The following INSC variants were observed in gnomAD, a reference collection of about 807,000 sequenced individuals.
INSC encodes protein inscuteable homolog.
In INSC, 67 loss-of-function variants were observed where a neutral mutation model predicts 58.6. That is an observed-to-expected ratio of 1.14 (90% CI 0.94 to 1.40). The LOEUF is 1.40. INSC is among the 40% of genes most tolerant of loss of function. INSC has a pLI of 0.00. For synonymous variants in INSC, 262 were observed against 276.1 expected (o/e 0.95, Z 0.51); for missense variants, 714 against 692.0 (o/e 1.03, Z -0.36).
At chr11:15,203,232 G>A (rs576459186) in intron 7 of INSC, among the ~76,000 whole-genome samples, 3 of 152,286 alleles carry the variant, frequency 2.0e-5, no homozygotes, top group African/African-American at 7.2e-5. Context: ...TGAGAGCACT[G>A]AAAAGGTCCC....
At chr11:15,140,319 G>A (rs1202277322) in intron 1 of INSC, among the ~76,000 whole-genome samples, 2 of 152,078 alleles carry the variant, frequency 1.3e-5, no homozygotes, top group Non-Finnish European at 2.9e-5. Context: ...TTATTTCCTC[G>A]TACTTGATAA....
intron 9 of INSC, among the ~76,000 whole-genome samples, chr11:15,232,598 T>G (rs963943689): frequency 9.2e-5 from 14 of 152,132 alleles, no homozygotes; most frequent in African/African-American, 3.4e-4. Flanking sequence ...CCCAGGGATG[T>G]CCACATCCTA....
At chr11:15,264,143 T>A in the INSC span, among the ~76,000 whole-genome samples, 1 of 81,724 alleles carries the variant, frequency 1.2e-5, no homozygotes, top group African/African-American at 4.5e-5. Context: ...TAATTATTCC[T>A]TGCAGCAGTA....
At chr11:15,114,054 G>T (rs1847634045), upstream of INSC, among the ~76,000 whole-genome samples, 1 of 151,882 alleles carries the variant, frequency 6.6e-6, no homozygotes, top group South Asian at 2.1e-4. Flanking sequence ...GGCTGCCTTT[G>T]CTTGAGGACC....
Position 15,239,998 on chromosome 11 carries a change from A to G in INSC, c.1394-449A>G, listed in dbSNP as rs565864776. On this transcript the variant is annotated intron_variant, in intron 11 of 12. Coordinates refer to ENST00000379556, the MANE Select transcript of INSC (RefSeq NM_001042536.3). ...AGACTGCATTTGCATACCTTCTACT[A>G]CTATCGTATAATGAGGGTGTCTTTT... 1.4e-4 allele frequency among the ~76,000 whole-genome samples: 21 copies of G among 152,334 alleles called. No individual in the cohort carries two copies. In the South Asian group the frequency reaches 3.9e-3, roughly 29 times the overall value.
chr11:15,195,831 T>G (rs1451080116), intron 6 of INSC, among the ~76,000 whole-genome samples: 1 of 152,240 alleles, frequency 6.6e-6, no homozygotes, highest in Non-Finnish European at 1.5e-5. Context: ...TCCTCCTTTG[T>G]GGCCTGAGGA....
At position 15,206,491 on chromosome 11, in the gene INSC, G is replaced by A. The variant is rs76922923; in HGVS notation, c.819+5542G>A. 5.2e-3 allele frequency among the ~76,000 whole-genome samples: 791 copies of A among 152,290 alleles called. 5 individuals carry two copies. The highest frequency in any genetic ancestry group is 0.018 in the African/African-American group (745 of 41,564). ...TTGGGGGAGCCCCAAGGAGAAGGCA[G>A]TGTTCTCTGGACCTCACTTGGGAGA... is the stretch of plus-strand genomic sequence containing the variant. On this transcript the variant is annotated intron_variant, in intron 7 of 12. Transcript: ENST00000379556.
intron 7 of INSC, among the ~76,000 whole-genome samples, chr11:15,216,951 T>C (rs1379607663): frequency 6.6e-5 from 10 of 152,234 alleles, no homozygotes. Flanking sequence ...CCAATGGTCC[T>C]CTGAAGTTGT....
rs752829398 is a variant in INSC, at chr11:15,200,840, C to G, written c.710C>G (p.Ala237Gly). 21 of 1,614,022 alleles carry G rather than the reference C, an allele frequency of 1.3e-5. No homozygotes were observed. The Middle Eastern group carries it at 9.9e-4, about 76-fold the overall frequency. Residue 237 changes from alanine to glycine, a missense_variant, in exon 7 of 13, where the codon GCA becomes GGA. By Grantham distance (60) the Ala-to-Gly change is moderately conservative (BLOSUM62 0). Coordinates refer to ENST00000379556, the MANE Select transcript of INSC (RefSeq NM_001042536.3). The part of the protein sequence containing the change: ...RIIAKEGGVV[A>G]LFKVCRQDSF... ...TCTTGGCAGGAGGGTGGGGTCGTAG[C>G]ACTCTTCAAGGTTTGCCGGCAGGAC... is the stretch of plus-strand genomic sequence containing the variant.
intron 2 of INSC, among the ~76,000 whole-genome samples, chr11:15,154,438 A>G (rs934255372): frequency 2.6e-5 from 4 of 152,228 alleles, no homozygotes; most frequent in Non-Finnish European, 5.9e-5. Context: ...TAATTTAAAT[A>G]CGCCCTTTGA....
At chr11:15,190,647 G>A (rs1413082069) in intron 5 of INSC, 54 bp from the exon 6 acceptor site, 7 of 1,220,520 alleles carry the variant, frequency 5.7e-6, no homozygotes, top group Non-Finnish European at 7.3e-6. Context: ...ACTAAGATGA[G>A]CAGAGGGTAG....
chr11:15,112,594 G>A (rs776372874), upstream of INSC: 1 of 111,898 alleles, frequency 8.9e-6, no homozygotes, highest in Non-Finnish European at 1.2e-5. Context: ...GGATGTGAGT[G>A]TGTGTGTGTG....
chr11:15,226,144 A>AGG (rs968598034), intron 9 of INSC, among the ~76,000 whole-genome samples: 3 of 152,026 alleles, frequency 2.0e-5, no homozygotes, highest in Middle Eastern at 6.8e-3. Flanking sequence ...CAACCACTGT[A>AGG]GGGCCTTCCT....
intron 5 of INSC, among the ~76,000 whole-genome samples, chr11:15,189,649 C>T (rs530127680): frequency 6.6e-6 from 1 of 152,348 alleles, no homozygotes; most frequent in Admixed American, 6.5e-5. Context: ...AACTAAATTT[C>T]ACTTTAATGT....
chr11:15,232,827 A>G (rs937972673), intron 9 of INSC, among the ~76,000 whole-genome samples: 1 of 152,204 alleles, frequency 6.6e-6, no homozygotes, highest in Non-Finnish European at 1.5e-5. Context: ...CCTGAGCCAA[A>G]GAATGAGAGC....
chr11:15,141,022 G>A (rs558683660), intron 1 of INSC, among the ~76,000 whole-genome samples: 1 of 152,304 alleles, frequency 6.6e-6, no homozygotes, highest in Non-Finnish European at 1.5e-5. Context: ...AAAGCATTTA[G>A]AACAGTGCCT....
chr11:15,238,762 T>C (rs1002360885), intron 10 of INSC, among the ~76,000 whole-genome samples, 157 bp from the exon 11 acceptor site: 4 of 152,220 alleles, frequency 2.6e-5, no homozygotes, highest in African/African-American at 9.6e-5. Flanking sequence ...GAAGAAGGCA[T>C]GGAGGAACAG....
At chr11:15,260,005 A>C in the INSC span, among the ~76,000 whole-genome samples, 1 of 152,128 alleles carries the variant, frequency 6.6e-6, no homozygotes, top group Non-Finnish European at 1.5e-5. Context: ...CAGTATGATC[A>C]GTGGGAAAAA....
intron 9 of INSC, 140 bp downstream of exon 9, chr11:15,225,968 T>G: frequency 1.3e-6 from 1 of 775,676 alleles, no homozygotes; most frequent in Non-Finnish European, 2.0e-6. Context: ...GCAAATATTC[T>G]CCACGTTTCT....
Sources: gnomAD v4.1 joint callset for allele counts (sites outside exome capture counted in the v4.1 genomes callset) on GRCh38, gnomAD v4.1.1 for gene constraint, MANE v1.5 for transcripts, NCBI Gene and HGNC (gene_info 2026-07-23, HGNC 2026-07-21) for gene names.